The following COL25A1 variants were observed in gnomAD, a reference collection of about 807,000 sequenced individuals.
COL25A1 encodes collagen alpha-1(XXV) chain.
COL25A1 carries 103 observed loss-of-function variants against 128.4 expected under a neutral mutation model. The ratio of observed to expected loss-of-function variants is 0.80; its 90% CI spans 0.68 to 0.94. The LOEUF (loss-of-function observed/expected upper bound fraction) is 0.94. COL25A1 is among the 40% of genes least tolerant of loss of function. COL25A1 has a pLI of 0.00. For synonymous variants in COL25A1, 279 were observed against 277.2 expected, an observed-to-expected ratio of 1.01 and a Z score of -0.06; for missense variants, 745 against 840.0, an observed-to-expected ratio of 0.89 and a Z score of 1.40.
intron 3 of COL25A1, among the ~76,000 whole-genome samples, chr4:109,273,404 C>T (rs1029320693): frequency 3.3e-5 from 5 of 152,082 alleles, no homozygotes; most frequent in African/African-American, 1.2e-4. Flanking sequence ...GAGTCTTATA[C>T]AGTCCTATAG....
chr4:109,101,433 T>C (rs1318369927), intron 3 of COL25A1, among the ~76,000 whole-genome samples: 1 of 152,150 alleles, frequency 6.6e-6, no homozygotes, highest in Non-Finnish European at 1.5e-5. Context: ...CTATCTGGCC[T>C]TGTGGAAGAT....
intron 5 of COL25A1, among the ~76,000 whole-genome samples, chr4:109,029,354 G>A (rs1267070281): frequency 6.6e-6 from 1 of 152,120 alleles, no homozygotes; most frequent in African/African-American, 2.4e-5. Context: ...ACCTGCAGAA[G>A]GTCAATAGTA....
At chr4:108,972,911 G>C (rs1752059205) in intron 8 of COL25A1, among the ~76,000 whole-genome samples, 1 of 152,136 alleles carries the variant, frequency 6.6e-6, no homozygotes, top group Non-Finnish European at 1.5e-5. Context: ...ATTTGGCCTA[G>C]CTTTATAATC....
chr4:109,058,089 A>G (rs2125958191), intron 3 of COL25A1, among the ~76,000 whole-genome samples: 1 of 152,360 alleles, frequency 6.6e-6, no homozygotes. Flanking sequence ...TAATAAATAT[A>G]GTAGAATATT....
chr4:108,825,953 TATTATGGATCC>T (rs1732326636), intron 33 of COL25A1, among the ~76,000 whole-genome samples: 1 of 152,200 alleles, frequency 6.6e-6, no homozygotes, highest in Non-Finnish European at 1.5e-5. Flanking sequence ...TATTGTGTCA[TATTATGGATCC>T]ATCCAAAGTT....
intron 13 of COL25A1, among the ~76,000 whole-genome samples, chr4:108,915,353 T>G (rs540088801): frequency 6.6e-6 from 1 of 152,042 alleles, no homozygotes; most frequent in Admixed American, 6.5e-5. Flanking sequence ...CTTTTTCTCT[T>G]TCTCTCTCTC....
At chr4:109,003,386 A>C (rs1020341507) in intron 6 of COL25A1, among the ~76,000 whole-genome samples, 4 of 152,286 alleles carry the variant, frequency 2.6e-5, no homozygotes, top group Non-Finnish European at 5.9e-5. Context: ...ATAGGGGCTA[A>C]ATAATACTTG....
chr4:109,096,952 C>T (rs561119496), intron 3 of COL25A1, among the ~76,000 whole-genome samples: 1 of 152,238 alleles, frequency 6.6e-6, no homozygotes, highest in East Asian at 1.9e-4. Flanking sequence ...AGAGCTCCCA[C>T]TGGGCAACCG....
At chr4:108,881,325 A>G (rs989064597) in intron 19 of COL25A1, among the ~76,000 whole-genome samples, 9 of 152,292 alleles carry the variant, frequency 5.9e-5, no homozygotes, top group Admixed American at 5.9e-4. Flanking sequence ...TAAGTTTCCA[A>G]CCATTCCCCG....
chr4:108,975,450 T>C (rs542435458), intron 6 of COL25A1, among the ~76,000 whole-genome samples: 11 of 152,300 alleles, frequency 7.2e-5, no homozygotes, highest in African/African-American at 2.6e-4. Flanking sequence ...AGCAAGACTG[T>C]CTCCAAAAAC....
At chr4:108,969,716 G>A (rs1186887340) in intron 8 of COL25A1, among the ~76,000 whole-genome samples, 6 of 152,072 alleles carry the variant, frequency 3.9e-5, no homozygotes, top group African/African-American at 1.2e-4. Flanking sequence ...GATACCTGAT[G>A]TTCCATGCTA....
chr4:108,928,373 T>A (rs1025329955), intron 11 of COL25A1, among the ~76,000 whole-genome samples: 1 of 152,202 alleles, frequency 6.6e-6, no homozygotes, highest in East Asian at 1.9e-4. Context: ...TGTCTATTAA[T>A]AACAGAACTT....
At chr4:109,166,260 T>C (rs1457082897) in intron 3 of COL25A1, among the ~76,000 whole-genome samples, 1 of 152,202 alleles carries the variant, frequency 6.6e-6, no homozygotes, top group Non-Finnish European at 1.5e-5. Flanking sequence ...CTAGCATGTC[T>C]AGTAGATCAA....
chr4:108,957,868 G>A (rs767861570), intron 8 of COL25A1, among the ~76,000 whole-genome samples: 48 of 152,074 alleles, frequency 3.2e-4, no homozygotes, highest in Non-Finnish European at 4.9e-4. Flanking sequence ...GACAACTAAC[G>A]TTTATCTAGA....
At chr4:109,011,194 C>T (rs1627543) in intron 5 of COL25A1, among the ~76,000 whole-genome samples, 77,718 of 152,098 alleles carry the variant, frequency 0.51, 22,605 homozygotes, top group African/African-American at 0.78. Flanking sequence ...AATGTTCACA[C>T]TGAGTTAAGA....
intron 3 of COL25A1, among the ~76,000 whole-genome samples, chr4:109,051,646 CACAG>C (rs1324873695): frequency 6.6e-6 from 1 of 151,578 alleles, no homozygotes; most frequent in Non-Finnish European, 1.5e-5. Context: ...CACACACACA[CACAG>C]ACATAATCTG....
At chr4:109,292,151 C>G (rs778188654) in intron 3 of COL25A1, among the ~76,000 whole-genome samples, 2 of 147,596 alleles carry the variant, frequency 1.4e-5, no homozygotes, top group Non-Finnish European at 3.0e-5. Context: ...GAGAGGTGGG[C>G]AGCAGAAAGA....
At chr4:109,012,585 G>T (rs1170703978) in intron 5 of COL25A1, among the ~76,000 whole-genome samples, 2 of 152,196 alleles carry the variant, frequency 1.3e-5, no homozygotes, top group African/African-American at 4.8e-5. Flanking sequence ...CCAGCCGGCG[G>T]TGCCAGCCCT....
chr4:108,853,875 C>T (rs906424228), intron 24 of COL25A1, among the ~76,000 whole-genome samples: 37 of 152,230 alleles, frequency 2.4e-4, no homozygotes, highest in Non-Finnish European at 4.1e-4. Context: ...CATAGTATTC[C>T]GTGGTGTATA....
Sources: gnomAD v4.1 joint callset for allele counts (sites outside exome capture counted in the v4.1 genomes callset) on GRCh38, gnomAD v4.1.1 for gene constraint, MANE v1.5 for transcripts, NCBI Gene and HGNC (gene_info 2026-07-23, HGNC 2026-07-21) for gene names.